ICA1L: variants seen among roughly 807,000 people sequenced by gnomAD.
ICA1L encodes the protein islet cell autoantigen 1-like protein.
ICA1L carries 50 observed loss-of-function variants against 61.3 expected under a neutral mutation model. The observed-to-expected ratio is 0.82, with a 90% CI of 0.65 to 1.03. The LOEUF (loss-of-function observed/expected upper bound fraction) is 1.03. Among genes scored for constraint, ICA1L ranks in the 50% least tolerant of loss-of-function variants. ICA1L has a pLI of 0.00. For synonymous variants in ICA1L, 161 were observed against 191.3 expected (o/e 0.84, Z 1.31); for missense variants, 508 against 556.7 (o/e 0.91, Z 0.88).
At position 202,788,835 on chromosome 2, in the gene ICA1L, A is replaced by G. The variant is rs1223279741; in HGVS notation, c.1238T>C (p.Phe413Ser). 6.2e-7 allele frequency: 1 copy of G among 1,613,962 alleles called. No individual in the cohort carries two copies. ...AATGTTTCATAGACACTTACTGTTGAACGCTCCAGCCACATGAAAGCCAAG... is the reference window on the plus strand; with the variant it reads ...AATGTTTCATAGACACTTACTGTTGGACGCTCCAGCCACATGAAAGCCAAG... ...FDLGFHVAGA[F>S]NNWVSQEESE... is the part of the protein sequence containing the mutation. The change falls in exon 11 of 13, where the codon TTC (phenylalanine) becomes TCC (serine). Residue 413 changes from phenylalanine to serine, a missense_variant. Phe to Ser is a radical substitution (Grantham distance 155). Transcript: ENST00000358299.
At chr2:202,862,273 A>AG (rs1694942040) in intron 1 of ICA1L, among the ~76,000 whole-genome samples, 1 of 8,254 alleles carries the variant, frequency 1.2e-4, no homozygotes, top group African/African-American at 2.0e-4. Context: ...TCATTTCTAC[A>AG]AAAAAAAAAA....
rs565419667 is a variant in ICA1L, at chr2:202,842,984, T to A, written c.-7-13968A>T. ...TTTCAGCTCCAGAATTTGATTTTTT[T>A]AAAAAAATAATTTTAATCTGTTACA... On this transcript the variant is annotated intron_variant, in intron 1 of 12. Coordinates refer to ENST00000358299, the MANE Select transcript of ICA1L (RefSeq NM_001288622.3). Among the ~76,000 whole-genome samples the A allele has an allele frequency of 7.3e-4, 111 of 152,278 alleles. 1 individual carries two copies. Among genetic ancestry groups the A allele is most frequent in the African/African-American group, 2.5e-3 (102 of 41,558 alleles).
chr2:202,801,046 A>T (rs1320307825), intron 9 of ICA1L, among the ~76,000 whole-genome samples: 2 of 152,236 alleles, frequency 1.3e-5, no homozygotes, highest in Non-Finnish European at 2.9e-5. Flanking sequence ...AAAATCTAGA[A>T]ATGGAAAAGA....
In ICA1L at chr2:202,788,986, C is replaced by G. The variant is rs774586076; in HGVS notation, c.1087G>C (p.Glu363Gln). The change falls in exon 11 of 13, where the codon GAA (glutamate) becomes CAA (glutamine). Residue 363 changes from glutamate (E) to glutamine (Q), a missense_variant. Coordinates refer to ENST00000358299, the MANE Select transcript of ICA1L (RefSeq NM_001288622.3). ...LLSSGSSSTS[E>Q]FTQECQTAFG... Reference sequence around the variant, plus strand: ...GCAGTCTGGCATTCTTGGGTAAATTCACTAGTACTTGAAGAACCAGAACTT... The same window carrying G: ...GCAGTCTGGCATTCTTGGGTAAATTGACTAGTACTTGAAGAACCAGAACTT... 10 of 1,614,092 alleles carry G rather than the reference C, an allele frequency of 6.2e-6. No homozygotes were observed. The Admixed American group carries it at 1.7e-4, about 27-fold the overall frequency.
intron 9 of ICA1L, among the ~76,000 whole-genome samples, chr2:202,798,033 T>C (rs1440550891): frequency 1.3e-5 from 2 of 152,178 alleles, no homozygotes; most frequent in African/African-American, 2.4e-5. Flanking sequence ...CATGTGGTAT[T>C]TGTCTTTCTG....
intron 4 of ICA1L, 131 bp downstream of exon 4, chr2:202,821,227 A>G: frequency 1.4e-6 from 1 of 732,260 alleles, no homozygotes; most frequent in Non-Finnish European, 2.1e-6. Flanking sequence ...GTCACAACAT[A>G]ACTGTGATAT....
chr2:202,777,731 G>C lies in ICA1L; in HGVS notation c.*1802C>G, dbSNP rs1692268294. 6.6e-6 allele frequency: 1 copy of C among 152,050 alleles called. No individual in the cohort carries two copies. Among genetic ancestry groups the C allele is most frequent in the Admixed American group, 6.5e-5 (1 of 15,268 alleles). The allele number at this position is 152,050 out of a possible 1,614,324, so 9.4% of individuals were successfully genotyped here. On this transcript the variant is annotated 3_prime_UTR_variant, in exon 13 of 13. Coordinates refer to ENST00000358299, the MANE Select transcript of ICA1L (RefSeq NM_001288622.3). ...TTACTATTGTAGATGGCTATGGATG[G>C]GACATGGACTGCATTTTACCTACTC...
At chr2:202,811,452 G>A (rs992086471) in intron 9 of ICA1L, among the ~76,000 whole-genome samples, 2 of 151,956 alleles carry the variant, frequency 1.3e-5, no homozygotes, top group Admixed American at 6.6e-5. Flanking sequence ...AAGGTCAGGA[G>A]ATTGAGACCA....
At chr2:202,870,381 C>T (rs1349090568) in intron 1 of ICA1L, 2 of 152,192 alleles carry the variant, frequency 1.3e-5, no homozygotes, top group African/African-American at 4.8e-5. Context: ...AATTAGAACA[C>T]TGCCTTCCAC....
chr2:202,871,463 G>T (rs1240679459), intron 1 of ICA1L, 156 bp downstream of exon 1: 2 of 151,692 alleles, frequency 1.3e-5, no homozygotes, highest in African/African-American at 4.8e-5. Flanking sequence ...GAGGAGGCCA[G>T]CAAGGCCCCG....
intron 2 of ICA1L, among the ~76,000 whole-genome samples, chr2:202,826,937 T>C (rs551060442): frequency 7.9e-4 from 120 of 152,288 alleles, no homozygotes; most frequent in African/African-American, 2.8e-3. Flanking sequence ...ATTATTTTGA[T>C]GTTTGATCAA....
At chr2:202,784,809 A>G (rs977474948) in intron 12 of ICA1L, among the ~76,000 whole-genome samples, 1 of 152,206 alleles carries the variant, frequency 6.6e-6, no homozygotes, top group Non-Finnish European at 1.5e-5. Flanking sequence ...CCGGGGACTT[A>G]GGAGAAGGGG....
At chr2:202,838,280 T>C (rs753113661) in intron 1 of ICA1L, among the ~76,000 whole-genome samples, 4 of 152,370 alleles carry the variant, frequency 2.6e-5, no homozygotes, top group Non-Finnish European at 4.4e-5. Flanking sequence ...TTTCATACCA[T>C]TGCAATTGAA....
intron 1 of ICA1L, among the ~76,000 whole-genome samples, chr2:202,836,830 G>T (rs1019583283): frequency 4.4e-5 from 6 of 136,818 alleles, no homozygotes; most frequent in African/African-American, 1.0e-4. Flanking sequence ...TATAGATATA[G>T]ATACAGATAT....
chr2:202,822,716 T>A (rs971718494), intron 3 of ICA1L, among the ~76,000 whole-genome samples: 6 of 152,100 alleles, frequency 3.9e-5, no homozygotes, highest in African/African-American at 1.4e-4. Context: ...AAATCAAAGT[T>A]AAAACTGAAA....
intron 1 of ICA1L, among the ~76,000 whole-genome samples, chr2:202,863,148 C>T (rs1029269799): frequency 1.5e-4 from 22 of 151,142 alleles, no homozygotes; most frequent in African/African-American, 4.6e-4. Flanking sequence ...AAAAATTAGC[C>T]GGGTGTGGTG....
chr2:202,847,669 G>A (rs1004675300), intron 1 of ICA1L, among the ~76,000 whole-genome samples: 8 of 88,704 alleles, frequency 9.0e-5, no homozygotes, highest in Non-Finnish European at 9.4e-5. Flanking sequence ...TTTTATCAGA[G>A]CTTAGAATGA....
chr2:202,862,132 T>C (rs1378502056), intron 1 of ICA1L, among the ~76,000 whole-genome samples: 1 of 151,214 alleles, frequency 6.6e-6, no homozygotes, highest in Non-Finnish European at 1.5e-5. Flanking sequence ...TGGGCTACAA[T>C]ATTACTACTT....
Position 202,774,068 on chromosome 2 carries a change from C to G in ICA1L, c.*5465G>C. The G allele has an allele frequency of 1.0e-6, 1 of 983,026 alleles. No individual in the cohort carries two copies. The highest frequency in any genetic ancestry group is 2.6e-5 in the East Asian group (1 of 38,274). The allele number at this position is 983,026 out of a possible 1,614,324, so 60.9% of individuals were successfully genotyped here. On this transcript the variant is annotated 3_prime_UTR_variant, in exon 13 of 13. Transcript: ENST00000358299. ...TTGCTTCTTTGATGTGTCATCCTAG[C>G]TGCCTAATATGATAATATTAGGAAT...
Sources: allele counts gnomAD v4.1 joint callset (sites outside exome capture counted in the v4.1 genomes callset), GRCh38; gene constraint gnomAD v4.1.1; transcripts MANE v1.5; gene names NCBI Gene and HGNC (gene_info 2026-07-23, HGNC 2026-07-21).